Variants in AGAP4 observed in about 807,000 individuals in gnomAD.
The protein encoded by AGAP4 is ArfGAP with GTPase domain, ankyrin repeat and PH domain 4.
Under a neutral mutation model 60.7 loss-of-function variants are expected in AGAP4, and 13 were observed. The ratio of observed to expected loss-of-function variants is 0.21; its 90% CI spans 0.14 to 0.34. AGAP4 has a LOEUF of 0.34. Ranked by LOEUF, AGAP4 falls within the 10% of genes least tolerant of loss-of-function variation. AGAP4 has a pLI of 1.00. For missense variants in AGAP4, 169 were observed against 884.0 expected (o/e 0.19, Z 10.26); for synonymous variants, 70 against 339.0 (o/e 0.21, Z 8.72).
intron 5 of AGAP4, among the ~76,000 whole-genome samples, chr10:45,832,401 G>A (rs1205257335): frequency 5.3e-5 from 8 of 149,724 alleles, no homozygotes; most frequent in Non-Finnish European, 1.0e-4. Context: ...TTAAGCAGTG[G>A]CTGTCAAACT....
intron 4 of AGAP4, among the ~76,000 whole-genome samples, chr10:45,841,354 G>A (rs1208463608): frequency 2.0e-5 from 3 of 148,066 alleles, no homozygotes; most frequent in Non-Finnish European, 4.5e-5. Context: ...AGCCTGCCTC[G>A]GCCTCCTAAA....
chr10:45,834,816 C>G (rs1300925531), intron 4 of AGAP4, among the ~76,000 whole-genome samples: 2 of 145,164 alleles, frequency 1.4e-5, no homozygotes, highest in Non-Finnish European at 3.0e-5. Context: ...CTCTGTCGCC[C>G]AGACTGGAGT....
At chr10:45,850,914 C>A (rs2059075885), upstream of AGAP4, among the ~76,000 whole-genome samples, 2 of 151,910 alleles carry the variant, frequency 1.3e-5, no homozygotes, top group African/African-American at 4.8e-5. Flanking sequence ...TGTGACATCC[C>A]AACATATGTT....
chr10:45,828,673 G>A (rs1377699087), intron 6 of AGAP4, among the ~76,000 whole-genome samples: 1 of 135,672 alleles, frequency 7.4e-6, no homozygotes, highest in African/African-American at 2.7e-5. Context: ...AGGCCTAAGA[G>A]GTCATAACTG....
chr10:45,844,076 A>T (rs2058962421), intron 3 of AGAP4, among the ~76,000 whole-genome samples: 2 of 150,444 alleles, frequency 1.3e-5, no homozygotes, highest in South Asian at 4.1e-4. Context: ...GAAATCCATG[A>T]CTCCTCCATC....
chr10:45,826,887 T>C lies in AGAP4; in HGVS notation c.1089A>G (p.Leu363=). 4 of 1,271,320 alleles carry C rather than the reference T, an allele frequency of 3.1e-6. No individual in the cohort carries two copies. Among genetic ancestry groups the C allele is most frequent in the East Asian group, 2.5e-5 (1 of 40,546 alleles). 78.8% of individuals were successfully genotyped at this position (1,271,320 alleles called of 1,614,324 possible). Reference sequence around the variant, plus strand: ...CCAGCCCGGTGTCCATGTCCTTGGATAGGCCATTGCTTTTAGAGGTGGAGA... The same window carrying C: ...CCAGCCCGGTGTCCATGTCCTTGGACAGGCCATTGCTTTTAGAGGTGGAGA... ...TPISTSKSNG[L]SKDMDTGLGD... is the part of the protein sequence containing the mutation. The change falls in exon 8 of 8, where the codon CTA becomes CTG. Residue 363 remains leucine (L), a synonymous_variant. Coordinates refer to ENST00000616763, the MANE Select transcript of AGAP4 (RefSeq NM_001276343.3).
chr10:45,852,268 G>A (rs1408919035), upstream of AGAP4, among the ~76,000 whole-genome samples: 1 of 133,952 alleles, frequency 7.5e-6, no homozygotes, highest in Non-Finnish European at 1.6e-5. Flanking sequence ...AGGATATTAT[G>A]TATAGAAAAG....
At chr10:45,835,060 A>ACGGG (rs1205432108) in intron 4 of AGAP4, among the ~76,000 whole-genome samples, 3 of 146,022 alleles carry the variant, frequency 2.1e-5, no homozygotes, top group Non-Finnish European at 4.4e-5. Context: ...GGCGTGAGCC[A>ACGGG]CGGCGCCCAG....
chr10:45,846,832 C>T, intron 1 of AGAP4, 77 bp from the exon 2 acceptor site: 1 of 626,654 alleles, frequency 1.6e-6, no homozygotes, highest in Admixed American at 2.9e-5. Context: ...TCAACTGCTG[C>T]TTATTCGACA....
At chr10:45,844,229 T>C in intron 3 of AGAP4, 97 bp downstream of exon 3, 6 of 1,282,198 alleles carry the variant, frequency 4.7e-6, no homozygotes, top group Non-Finnish European at 5.3e-6. Context: ...AAGATGAAAA[T>C]TTTAAACCAA....
chr10:45,854,543 A>G (rs1476495270), upstream of AGAP4: 4 of 147,944 alleles, frequency 2.7e-5, no homozygotes, highest in Non-Finnish European at 4.5e-5. Flanking sequence ...CTGAGGCAGG[A>G]GAATCCCTTG....
At position 45,853,555 on chromosome 10, in the gene AGAP4, A is replaced by G. The variant is rs1258915276; in HGVS notation, n.221+100T>C. 4.1e-6 allele frequency: 5 copies of G among 1,217,864 alleles called. No individual in the cohort carries two copies. The East Asian group carries it at 2.3e-4, about 56-fold the overall frequency. The allele number at this position is 1,217,864 out of a possible 1,614,324, so 75.4% of individuals were successfully genotyped here. A position where few individuals can be genotyped will look rare whatever the true frequency, so the allele number is the denominator to read the frequency against. On this transcript the variant is annotated intron_variant and non_coding_transcript_variant, in intron 1 of 9. Coordinates refer to the AGAP4 transcript ENST00000430779. The stretch of plus-strand genomic sequence containing the variant: ...CATATGCTCAGATTTACCATTTATC[A>G]AGAGGTCTTCACACTATCAATTGTG...
At chr10:45,839,071 TA>T (rs1446250420) in intron 4 of AGAP4, among the ~76,000 whole-genome samples, 1 of 106,770 alleles carries the variant, frequency 9.4e-6, no homozygotes, top group Non-Finnish European at 2.0e-5. Context: ...ACCACAAATT[TA>T]TTTCGTCTCC....
rs782424385 is a variant in AGAP4 at position 45,826,005 on chromosome 10, C to T, written c.1971G>A (p.Gly657=). 7.3e-7 allele frequency: 1 copy of T among 1,376,492 alleles called. No homozygotes were observed. 85.3% of individuals were successfully genotyped at this position (1,376,492 alleles called of 1,614,324 possible). A position where few individuals can be genotyped will look rare whatever the true frequency, so the allele number is the denominator to read the frequency against. The part of the protein sequence containing the change: ...GVDVMARDAH[G]NTALTYARQA... ...GCCGGGCGTAGGTCAGCGCTGTGTT[C>T]CCGTGGGCATCTCGGGCCATGACGT... The change falls in exon 8 of 8, where the codon GGG becomes GGA. Residue 657 remains glycine, a synonymous_variant. Transcript: ENST00000616763.
chr10:45,838,729 C>T (rs1182335294), intron 4 of AGAP4, among the ~76,000 whole-genome samples: 2 of 151,280 alleles, frequency 1.3e-5, no homozygotes, highest in Admixed American at 6.6e-5. Flanking sequence ...TGCCACCAGG[C>T]CTGGCTAATT....
intron 5 of AGAP4, among the ~76,000 whole-genome samples, chr10:45,833,652 C>T (rs2135934250): frequency 6.8e-6 from 1 of 145,996 alleles, no homozygotes; most frequent in South Asian, 2.2e-4. Flanking sequence ...GCTGTTCCTT[C>T]TTCCAAGGAT....
At chr10:45,832,006 T>A (rs1426890648) in intron 5 of AGAP4, among the ~76,000 whole-genome samples, 1 of 138,158 alleles carries the variant, frequency 7.2e-6, no homozygotes, top group Non-Finnish European at 1.6e-5. Context: ...GCCTCCCAGG[T>A]TCAAGAGATT....
chr10:45,844,026 C>T, intron 3 of AGAP4, among the ~76,000 whole-genome samples: 1 of 150,000 alleles, frequency 6.7e-6, no homozygotes. Flanking sequence ...AAGATGAATC[C>T]ATTAATTATA....
chr10:45,838,037 G>A (rs1346170894), intron 4 of AGAP4, among the ~76,000 whole-genome samples: 3,346 of 150,816 alleles, frequency 0.022, 112 homozygotes, highest in African/African-American at 0.078. Flanking sequence ...CAGCTCAAAT[G>A]CCCGTCAATC....
Sources: allele counts gnomAD v4.1 joint callset (sites outside exome capture counted in the v4.1 genomes callset), GRCh38; gene constraint gnomAD v4.1.1; transcripts MANE v1.5; gene names NCBI Gene and HGNC (gene_info 2026-07-23, HGNC 2026-07-21).